Variants in NRG3 observed in about 807,000 individuals in gnomAD.
The protein encoded by NRG3 is neuregulin 3, also known as pro-neuregulin-3, membrane-bound isoform.
NRG3 carries 31 observed loss-of-function variants against 66.9 expected under a neutral mutation model. That is an observed-to-expected ratio of 0.46 (90% CI 0.35 to 0.63). The LOEUF is 0.63. Ranked by LOEUF, NRG3 falls within the 20% of genes least tolerant of loss-of-function variation. NRG3 has a pLI of 0.00. For synonymous variants in NRG3, 393 were observed against 359.4 expected (o/e 1.09, Z -1.06); for missense variants, 910 against 878.9 (o/e 1.04, Z -0.45).
intron 1 of NRG3, among the ~76,000 whole-genome samples, chr10:82,095,843 G>T (rs1240572894): frequency 6.6e-6 from 1 of 152,222 alleles, no homozygotes; most frequent in Non-Finnish European, 1.5e-5. Flanking sequence ...GCAGAGCCAA[G>T]GTATGCCAGC....
intron 2 of NRG3, among the ~76,000 whole-genome samples, chr10:82,566,689 G>A (rs1302204782): frequency 2.0e-5 from 3 of 151,906 alleles, no homozygotes; most frequent in African/African-American, 7.2e-5. Context: ...AGTCACATGA[G>A]GGTTACAGAT....
chr10:81,904,778 C>T (rs1844423890), intron 1 of NRG3, among the ~76,000 whole-genome samples: 2 of 152,064 alleles, frequency 1.3e-5, no homozygotes, highest in African/African-American at 2.4e-5. Context: ...ACTCCCAAAC[C>T]GCCTCCTTTG....
intron 1 of NRG3, among the ~76,000 whole-genome samples, chr10:82,213,956 G>A (rs777951622): frequency 1.3e-5 from 2 of 152,134 alleles, no homozygotes; most frequent in Non-Finnish European, 2.9e-5. Flanking sequence ...GAGCCACGTG[G>A]AGGCACTGGG....
At chr10:82,576,491 C>A (rs985911607) in intron 2 of NRG3, among the ~76,000 whole-genome samples, 1 of 151,628 alleles carries the variant, frequency 6.6e-6, no homozygotes, top group African/African-American at 2.4e-5. Context: ...TTAGTTTCTG[C>A]CCAGTGAAAG....
At chr10:81,893,925 G>T (rs2132585009) in intron 1 of NRG3, among the ~76,000 whole-genome samples, 1 of 152,300 alleles carries the variant, frequency 6.6e-6, no homozygotes. Context: ...TGAAACTCAA[G>T]AACAGTGTTG....
chr10:82,801,363 C>T (rs1434891327), intron 3 of NRG3, among the ~76,000 whole-genome samples: 1 of 152,172 alleles, frequency 6.6e-6, no homozygotes, highest in Non-Finnish European at 1.5e-5. Flanking sequence ...ACTCCATCAG[C>T]TTCCTTATGT....
intron 1 of NRG3, among the ~76,000 whole-genome samples, chr10:82,323,420 ATATGTT>A (rs2081682477): frequency 6.6e-6 from 1 of 152,128 alleles, no homozygotes; most frequent in African/African-American, 2.4e-5. Context: ...TTTTCTTAAA[ATATGTT>A]AATATTGCAT....
intron 4 of NRG3, among the ~76,000 whole-genome samples, chr10:82,948,573 G>T (rs1849237910): frequency 6.6e-6 from 1 of 151,976 alleles, no homozygotes; most frequent in Admixed American, 6.6e-5. Context: ...CCATAAACAT[G>T]TTATATCTAT....
intron 1 of NRG3, among the ~76,000 whole-genome samples, chr10:82,097,096 C>T (rs1002301222): frequency 5.3e-5 from 8 of 151,814 alleles, no homozygotes; most frequent in African/African-American, 1.9e-4. Context: ...ATAGTTAATT[C>T]CTCTCTTTTT....
At chr10:82,401,662 T>A (rs1294686324) in intron 2 of NRG3, among the ~76,000 whole-genome samples, 1 of 152,142 alleles carries the variant, frequency 6.6e-6, no homozygotes, top group African/African-American at 2.4e-5. Flanking sequence ...GGCTATGGAA[T>A]TCTTGATCTT....
At chr10:82,595,943 A>G (rs1158460375) in intron 2 of NRG3, among the ~76,000 whole-genome samples, 1 of 152,226 alleles carries the variant, frequency 6.6e-6, no homozygotes, top group Non-Finnish European at 1.5e-5. Flanking sequence ...AGAGGCTCAA[A>G]TGAGAAAATA....
intron 1 of NRG3, among the ~76,000 whole-genome samples, chr10:82,072,595 CAG>C (rs1267002387): frequency 3.3e-5 from 5 of 150,370 alleles, no homozygotes; most frequent in African/African-American, 7.5e-5. Flanking sequence ...TGCAGATACA[CAG>C]AGAGTATGTT....
chr10:82,204,208 A>G (rs1326194829), intron 1 of NRG3, among the ~76,000 whole-genome samples: 1 of 152,206 alleles, frequency 6.6e-6, no homozygotes, highest in Non-Finnish European at 1.5e-5. Context: ...ATATAAAGAT[A>G]TACATTAATC....
intron 1 of NRG3, among the ~76,000 whole-genome samples, chr10:82,281,104 T>C (rs1053447205): frequency 1.3e-5 from 2 of 152,196 alleles, no homozygotes; most frequent in Non-Finnish European, 2.9e-5. Context: ...TTGGTACTTT[T>C]CTGGACTGGA....
chr10:82,343,846 G>A (rs2082817725), intron 1 of NRG3, among the ~76,000 whole-genome samples: 1 of 151,994 alleles, frequency 6.6e-6, no homozygotes, highest in Non-Finnish European at 1.5e-5. Context: ...AGAAACAAGA[G>A]TTAACATTTA....
At chr10:81,910,512 C>A (rs1845032047) in intron 1 of NRG3, among the ~76,000 whole-genome samples, 1 of 152,124 alleles carries the variant, frequency 6.6e-6, no homozygotes, top group Non-Finnish European at 1.5e-5. Flanking sequence ...TTTTGCTTTG[C>A]ATATTTTTTA....
intron 1 of NRG3, among the ~76,000 whole-genome samples, chr10:82,153,411 T>TTGTGTG (rs34783247): frequency 0.11 from 16,205 of 146,476 alleles, 1,023 homozygotes; most frequent in East Asian, 0.34. Context: ...TAGTATTCCA[T>TTGTGTG]TGTGTGTGTG....
chr10:82,359,498 A>G (rs976543951), intron 2 of NRG3, among the ~76,000 whole-genome samples: 1 of 152,208 alleles, frequency 6.6e-6, no homozygotes, highest in Admixed American at 6.5e-5. Context: ...AAGGTGTTTA[A>G]TTGGTTTTTA....
chr10:82,924,546 T>C (rs148438587), intron 4 of NRG3, among the ~76,000 whole-genome samples: 5 of 150,738 alleles, frequency 3.3e-5, no homozygotes, highest in African/African-American at 4.9e-5. Context: ...ATTTTCGAAG[T>C]CTTCTATGTA....
Sources: allele counts gnomAD v4.1 joint callset (sites outside exome capture counted in the v4.1 genomes callset), GRCh38; gene constraint gnomAD v4.1.1; transcripts MANE v1.5; gene names NCBI Gene and HGNC (gene_info 2026-07-23, HGNC 2026-07-21).